The following EPC2 variants were observed in gnomAD, a reference collection of about 807,000 sequenced individuals.
The protein encoded by EPC2 is enhancer of polycomb 2.
Under a neutral mutation model 92.1 loss-of-function variants are expected in EPC2, and 14 were observed. The observed-to-expected ratio is 0.15, with a 90% confidence interval of 0.10 to 0.24. EPC2 has a LOEUF of 0.24. Among genes scored for constraint, EPC2 ranks in the 10% least tolerant of loss-of-function variants. The pLI is 1.00. For synonymous variants in EPC2, 340 were observed against 334.7 expected (o/e 1.02, Z -0.17); for missense variants, 755 against 971.5 (o/e 0.78, Z 2.96).
intron 1 of EPC2, among the ~76,000 whole-genome samples, chr2:148,650,778 T>A (rs1680666831): frequency 2.6e-5 from 4 of 152,194 alleles, no homozygotes. Context: ...AAGTTGATAC[T>A]GTAAAAACAT....
chr2:148,649,799 T>G (rs1680632755), intron 1 of EPC2, among the ~76,000 whole-genome samples: 1 of 152,268 alleles, frequency 6.6e-6, no homozygotes, highest in African/African-American at 2.4e-5. Context: ...GAACTGTGAT[T>G]AAGTTCATTA....
chr2:148,672,962 T>C (rs1013766703), intron 1 of EPC2, among the ~76,000 whole-genome samples: 7 of 152,190 alleles, frequency 4.6e-5, no homozygotes, highest in South Asian at 2.1e-4. Flanking sequence ...TTGTCAGATA[T>C]ATCATTCTGT....
intron 2 of EPC2, among the ~76,000 whole-genome samples, chr2:148,725,420 C>T (rs1299896763): frequency 1.3e-5 from 2 of 151,842 alleles, no homozygotes; most frequent in East Asian, 1.9e-4. Context: ...CATTCAGAAC[C>T]CTTTTAGAGT....
At chr2:148,739,819 CTT>C (rs1220784728) in intron 2 of EPC2, among the ~76,000 whole-genome samples, 20 of 98,906 alleles carry the variant, frequency 2.0e-4, no homozygotes, top group Admixed American at 1.2e-3. Context: ...TCTTCCTTTT[CTT>C]TTCTTCTTCT....
intron 11 of EPC2, among the ~76,000 whole-genome samples, chr2:148,783,161 T>C (rs371034418): frequency 3.0e-4 from 46 of 152,202 alleles, no homozygotes; most frequent in African/African-American, 9.9e-4. Context: ...TTAACTTTAC[T>C]TTGTTTGCTT....
At chr2:148,740,681 A>G (rs888927878) in intron 2 of EPC2, among the ~76,000 whole-genome samples, 1 of 152,164 alleles carries the variant, frequency 6.6e-6, no homozygotes, top group Non-Finnish European at 1.5e-5. Context: ...TGTATAAAAG[A>G]TGGTCATGCA....
rs757140637 is a variant in EPC2, at chr2:148,770,792, C to A, written c.1231C>A (p.Pro411Thr). The change falls in exon 9 of 14, where the codon CCT becomes ACT. Residue 411 changes from proline to threonine, a missense_variant and splice_region_variant. This residue lies in a region of EPC2 where 509 missense variants were observed against 607.7 expected (regional missense o/e 0.84). Coordinates refer to ENST00000258484, the MANE Select transcript of EPC2 (RefSeq NM_015630.4). ...TTTTTTGTTTTTTCTTTCTTTGCAG[C>A]CTCGTTTGGACCAAGCTAACCATTC... ...RRRAGCQYYA[P>T]RLDQANHSCE... is the part of the protein sequence containing the mutation. 2.5e-6 allele frequency: 4 copies of A among 1,596,634 alleles called. No homozygotes were observed. Among genetic ancestry groups the A allele is most frequent in the Non-Finnish European group, 3.4e-6 (4 of 1,175,486 alleles).
intron 2 of EPC2, among the ~76,000 whole-genome samples, chr2:148,738,245 G>A (rs1369443502): frequency 6.6e-6 from 1 of 152,132 alleles, no homozygotes; most frequent in Non-Finnish European, 1.5e-5. Context: ...ATTTCTGTTA[G>A]AGGAAATTTG....
Position 148,771,285 on chromosome 2 carries a change from A to G in EPC2, c.1618A>G (p.Ser540Gly). 1 of 1,614,012 alleles carries G rather than the reference A, an allele frequency of 6.2e-7. No individual in the cohort carries two copies. Among genetic ancestry groups the G allele is most frequent in the Non-Finnish European group, 8.5e-7 (1 of 1,179,872 alleles). Residue 540 changes from serine (S) to glycine (G), a missense_variant, in exon 10 of 14, where the codon AGT (serine) becomes GGT (glycine). By Grantham distance (56) the Ser-to-Gly change is moderately conservative. Transcript: ENST00000258484. Reference sequence around the variant, plus strand: ...GCTACTAAATTTACAGGACAGTGATAGTGAAGAATGTACCTCAAGAAAACC... The same window carrying G: ...GCTACTAAATTTACAGGACAGTGATGGTGAAGAATGTACCTCAAGAAAACC... Reference protein sequence around the residue: ...PRLLNLQDSDSEECTSRKPGQ... With the variant: ...PRLLNLQDSDGEECTSRKPGQ...
chr2:148,655,169 T>A (rs557990833), intron 1 of EPC2, among the ~76,000 whole-genome samples: 1 of 152,338 alleles, frequency 6.6e-6, no homozygotes, highest in South Asian at 2.1e-4. Flanking sequence ...AAAACAAGTT[T>A]ATTACATCTA....
At chr2:148,732,021 C>G (rs1682641721) in intron 2 of EPC2, among the ~76,000 whole-genome samples, 2 of 152,096 alleles carry the variant, frequency 1.3e-5, no homozygotes, top group Non-Finnish European at 2.9e-5. Context: ...CAAAAAGCTA[C>G]CACAGGGAAT....
intron 4 of EPC2, 28 bp downstream of exon 4, chr2:148,754,161 G>T: frequency 6.5e-7 from 1 of 1,528,242 alleles, no homozygotes; most frequent in Non-Finnish European, 8.9e-7. Context: ...TTTCATTGAA[G>T]GTAGCTTAAT....
chr2:148,757,127 A>T (rs1416817705), intron 4 of EPC2, among the ~76,000 whole-genome samples: 1 of 152,212 alleles, frequency 6.6e-6, no homozygotes, highest in Admixed American at 6.5e-5. Flanking sequence ...CTGTAATCCC[A>T]GCACTTTCGG....
intron 2 of EPC2, among the ~76,000 whole-genome samples, chr2:148,743,081 A>ATTTTTATGTG (rs1682911298): frequency 6.6e-6 from 1 of 152,026 alleles, no homozygotes; most frequent in African/African-American, 2.4e-5. Flanking sequence ...TTCCTCTAGT[A>ATTTTTATGTG]TTTTTATGTG....
intron 2 of EPC2, among the ~76,000 whole-genome samples, chr2:148,739,448 A>G (rs1682831244): frequency 6.6e-6 from 1 of 152,154 alleles, no homozygotes; most frequent in Non-Finnish European, 1.5e-5. Flanking sequence ...TCCACTAAAT[A>G]GCTGTGCTTA....
chr2:148,733,597 C>A (rs1682690729), intron 2 of EPC2, among the ~76,000 whole-genome samples: 1 of 148,480 alleles, frequency 6.7e-6, no homozygotes, highest in African/African-American at 2.5e-5. Context: ...TCCTGGGCTC[C>A]AGCCATCCTC....
intron 1 of EPC2, among the ~76,000 whole-genome samples, chr2:148,648,510 A>C (rs1490133405): frequency 6.6e-6 from 1 of 152,186 alleles, no homozygotes; most frequent in Non-Finnish European, 1.5e-5. Context: ...CTTTTAAATC[A>C]GTAGGCTTGT....
chr2:148,657,089 T>C (rs1224836754), intron 1 of EPC2, among the ~76,000 whole-genome samples: 6 of 152,130 alleles, frequency 3.9e-5, no homozygotes, highest in East Asian at 1.9e-4. Flanking sequence ...TTTTGGGATC[T>C]AGTGTAGAGT....
At chr2:148,722,611 G>A (rs1387409448) in intron 2 of EPC2, among the ~76,000 whole-genome samples, 1 of 152,138 alleles carries the variant, frequency 6.6e-6, no homozygotes, top group Non-Finnish European at 1.5e-5. Flanking sequence ...TGGAAGCAGC[G>A]TAGCGATTTC....
Sources: allele counts gnomAD v4.1 joint callset (sites outside exome capture counted in the v4.1 genomes callset), GRCh38; gene constraint gnomAD v4.1.1; regional missense constraint gnomAD v4.1.1; transcripts MANE v1.5; gene names NCBI Gene and HGNC (gene_info 2026-07-23, HGNC 2026-07-21).